TLN2: variants seen among roughly 807,000 people sequenced by gnomAD.
The protein encoded by TLN2 is talin-2.
TLN2 carries 118 observed loss-of-function variants against 294.7 expected under a neutral mutation model. That is an observed-to-expected ratio of 0.40 (90% CI 0.34 to 0.47). TLN2 has a LOEUF of 0.47. TLN2 is among the 20% of genes least tolerant of loss of function. The pLI is 0.84. For synonymous variants in TLN2, 1,431 were observed against 1,304.5 expected (o/e 1.10, Z -2.09); for missense variants, 3,083 against 3,282.2 (o/e 0.94, Z 1.48).
At chr15:62,447,083 A>G (rs1186154800) in intron 1 of TLN2, among the ~76,000 whole-genome samples, 1 of 152,236 alleles carries the variant, frequency 6.6e-6, no homozygotes, top group East Asian at 1.9e-4. Context: ...GGGGCCTTTA[A>G]TAAATTAATC....
intron 1 of TLN2, among the ~76,000 whole-genome samples, chr15:62,442,568 TGGTTGCTGTGTGA>T (rs2035608244): frequency 6.6e-6 from 1 of 151,434 alleles, no homozygotes; most frequent in Non-Finnish European, 1.5e-5. Flanking sequence ...GGAAACTGCT[TGGTTGCTGTGTGA>T]GGTTGCTGTG....
intron 50 of TLN2, among the ~76,000 whole-genome samples, chr15:62,804,372 A>C (rs2066135166): frequency 6.6e-6 from 1 of 152,158 alleles, no homozygotes; most frequent in Non-Finnish European, 1.5e-5. Context: ...CTGAGGCAGG[A>C]GGATTGCTTG....
intron 1 of TLN2, among the ~76,000 whole-genome samples, chr15:62,529,313 C>T (rs778822526): frequency 7.2e-5 from 11 of 152,074 alleles, no homozygotes; most frequent in South Asian, 4.2e-4. Context: ...GGGCTGGTCT[C>T]GAACTCCTGG....
chr15:62,618,628 C>T (rs1439957677), intron 3 of TLN2, among the ~76,000 whole-genome samples, 153 bp downstream of exon 3: 1 of 152,194 alleles, frequency 6.6e-6, no homozygotes, highest in African/African-American at 2.4e-5. Flanking sequence ...GAAGGAATGA[C>T]AGAGTCAGCA....
Position 62,771,058 on chromosome 15 carries a change from T to C in TLN2, c.5291T>C (p.Leu1764Pro). The C allele has an allele frequency of 1.9e-6, 3 of 1,613,978 alleles. No individual in the cohort carries two copies. The highest frequency in any genetic ancestry group is 2.5e-6 in the Non-Finnish European group (3 of 1,179,980). ...ILDHQQQMTV[L>P]DQTKTLAESA... ...GATCATCAGCAGCAGATGACGGTGC[T>C]GGACCAGACCAAGACTCTCGCAGAG... is the stretch of plus-strand genomic sequence containing the variant. Residue 1764 changes from leucine (L) to proline (P), a missense_variant, in exon 42 of 59, where the codon CTG becomes CCG. Coordinates refer to ENST00000636159, the MANE Select transcript of TLN2 (RefSeq NM_015059.3).
chr15:62,694,582 G>T (rs2058188233), intron 14 of TLN2, among the ~76,000 whole-genome samples, 190 bp downstream of exon 14: 1 of 152,222 alleles, frequency 6.6e-6, no homozygotes, highest in South Asian at 2.1e-4. Flanking sequence ...CGTGAGGGAG[G>T]CTGAGGATTT....
chr15:62,575,905 G>C (rs771058352), intron 1 of TLN2, among the ~76,000 whole-genome samples: 8 of 152,198 alleles, frequency 5.3e-5, no homozygotes, highest in Non-Finnish European at 1.0e-4. Flanking sequence ...TTTCCCAACT[G>C]TGTAGAGTGA....
At chr15:62,445,651 A>ATT (rs113621851) in intron 1 of TLN2, among the ~76,000 whole-genome samples, 28 of 147,536 alleles carry the variant, frequency 1.9e-4, no homozygotes, top group African/African-American at 6.9e-4. Context: ...TCAGTATTAG[A>ATT]TTTTTTTTTT....
chr15:62,712,732 G>C lies in TLN2; in HGVS notation c.2634+655G>C, dbSNP rs139781225. ...AGGTCACTGGTAGGACTCAGTGTGT[G>C]TGTGTGTGTGCATGCGTGCGTGCAT... is the stretch of plus-strand genomic sequence containing the variant. On this transcript the variant is annotated intron_variant, in intron 22 of 58. Coordinates refer to ENST00000636159, the MANE Select transcript of TLN2 (RefSeq NM_015059.3). Among the ~76,000 whole-genome samples, 112 of 152,244 alleles carry C rather than the reference G, an allele frequency of 7.4e-4. 1 individual carries two copies. In the East Asian group the frequency reaches 0.012, roughly 16 times the overall value.
In TLN2 at chr15:62,693,800, C is replaced by A. The variant is rs1406233814; in HGVS notation, c.1216-516C>A. 2.0e-5 allele frequency among the ~76,000 whole-genome samples: 3 copies of A among 151,888 alleles called. No homozygotes were observed. The East Asian group carries it at 5.8e-4, about 29-fold the overall frequency. ...CGTGACATCTAACTATATATTAAAT[C>A]ATATATTTCTCTTTTTTATTATTAT... is the stretch of plus-strand genomic sequence containing the variant. On this transcript the variant is annotated intron_variant, in intron 13 of 58. Coordinates refer to ENST00000636159, the MANE Select transcript of TLN2 (RefSeq NM_015059.3).
chr15:62,495,109 C>T (rs1391653806), intron 1 of TLN2, among the ~76,000 whole-genome samples: 1 of 152,218 alleles, frequency 6.6e-6, no homozygotes, highest in South Asian at 2.1e-4. Context: ...TGCAATTGCA[C>T]TGTGCAATGC....
intron 9 of TLN2, among the ~76,000 whole-genome samples, chr15:62,669,198 T>A (rs2055095911): frequency 6.6e-6 from 1 of 152,230 alleles, no homozygotes; most frequent in South Asian, 2.1e-4. Context: ...TTTACAACTA[T>A]TACCCTTAGG....
chr15:62,735,278 A>C (rs1050930874), intron 28 of TLN2, among the ~76,000 whole-genome samples: 3 of 152,220 alleles, frequency 2.0e-5, no homozygotes, highest in Non-Finnish European at 4.4e-5. Flanking sequence ...TCCAGTCTTC[A>C]TCCTCTTCTT....
chr15:62,638,267 G>C, intron 3 of TLN2: 1 of 324,876 alleles, frequency 3.1e-6, no homozygotes, highest in Non-Finnish European at 6.0e-6. Context: ...CTCTTAATTA[G>C]GCATCATCTT....
At chr15:62,413,224 G>A (rs1041312951) in intron 1 of TLN2, among the ~76,000 whole-genome samples, 5 of 152,146 alleles carry the variant, frequency 3.3e-5, no homozygotes, top group Non-Finnish European at 7.3e-5. Context: ...GCCCTCATGA[G>A]GTTAGTGCCC....
chr15:62,833,393 C>CA, intron 54 of TLN2, 111 bp from the exon 55 acceptor site: 2 of 1,488,234 alleles, frequency 1.3e-6, no homozygotes, highest in Non-Finnish European at 9.1e-7. Context: ...GGTTTGTCAA[C>CA]AAAAAACAAT....
chr15:62,579,449 G>A (rs180794160), intron 1 of TLN2, among the ~76,000 whole-genome samples: 5 of 152,304 alleles, frequency 3.3e-5, no homozygotes, highest in Non-Finnish European at 1.5e-5. Flanking sequence ...ATTCGGTCTT[G>A]ATTAGCAGAA....
At chr15:62,550,610 T>G (rs2042240601) in intron 1 of TLN2, among the ~76,000 whole-genome samples, 1 of 152,144 alleles carries the variant, frequency 6.6e-6, no homozygotes, top group African/African-American at 2.4e-5. Context: ...AAAGGGGGTG[T>G]GCAGCATTTA....
In TLN2 at chr15:62,835,893, C is replaced by T; in HGVS notation, c.7194C>T (p.Ala2398=). 1.2e-6 allele frequency: 2 copies of T among 1,614,168 alleles called. No homozygotes were observed. Among genetic ancestry groups the T allele is most frequent in the Non-Finnish European group, 1.7e-6 (2 of 1,180,030 alleles). The stretch of plus-strand genomic sequence containing the variant: ...ACTTCTCCGTTGACTGTCCCCAGGC[C>T]CGGATGGTGGCGGCTGCGACCAGCA... ...GQWSQGLISA[A]RMVAAATSSL... The change falls in exon 57 of 59, where the codon GCC becomes GCT. Residue 2398 remains alanine (A), a splice_region_variant and synonymous_variant. Transcript: ENST00000636159.
Sources: allele counts gnomAD v4.1 joint callset (sites outside exome capture counted in the v4.1 genomes callset), GRCh38; gene constraint gnomAD v4.1.1; transcripts MANE v1.5; gene names NCBI Gene and HGNC (gene_info 2026-07-23, HGNC 2026-07-21).